BCAS3: variants seen among roughly 807,000 people sequenced by gnomAD.
BCAS3 encodes BCAS4/BCAS3 fusion.
BCAS3 carries 53 observed loss-of-function variants against 116.1 expected under a neutral mutation model. The ratio of observed to expected loss-of-function variants is 0.46; its 90% CI spans 0.37 to 0.57. BCAS3 has a LOEUF of 0.57. Among genes scored for constraint, BCAS3 ranks in the 20% least tolerant of loss-of-function variants. The pLI is 0.00. For missense variants in BCAS3, 917 were observed against 1,165.4 expected, an observed-to-expected ratio of 0.79 and a Z score of 3.10; for synonymous variants, 391 against 408.2, an observed-to-expected ratio of 0.96 and a Z score of 0.51.
chr17:61,234,844 C>T (rs553278949), intron 22 of BCAS3, among the ~76,000 whole-genome samples: 2 of 151,112 alleles, frequency 1.3e-5, no homozygotes, highest in South Asian at 4.2e-4. Context: ...CTTCACATTT[C>T]CTCACAAAGC....
Position 61,390,002 on chromosome 17 carries a change from C to G in BCAS3, c.2594-1975C>G, listed in dbSNP as rs1268530902. On this transcript the variant is annotated intron_variant, in intron 23 of 23. Transcript: ENST00000407086. This position sits in a 1 kb window ranked among gnomAD's most constrained non-coding sequence, Gnocchi z 6.8. ...AGCCTTCCCCATCCTGGTGGCCCTG[C>G]CTGCTCCTTCCTCGGGGGCTTTCTT... 2.6e-5 allele frequency: 4 copies of G among 152,368 alleles called. No individual in the cohort carries two copies. The highest frequency in any genetic ancestry group is 9.6e-5 in the African/African-American group (4 of 41,468). The allele number at this position is 152,368 out of a possible 1,614,324, so 9.4% of individuals were successfully genotyped here. A position where few individuals can be genotyped will look rare whatever the true frequency, so the allele number is the denominator to read the frequency against.
rs188883585 is a variant in BCAS3 at position 60,854,531 on chromosome 17, G to A, written c.477-14045G>A. Among the ~76,000 whole-genome samples, 39 of 152,218 alleles carry A rather than the reference G, an allele frequency of 2.6e-4. No individual in the cohort carries two copies. In the East Asian group the frequency reaches 6.0e-3, roughly 23 times the overall value. On this transcript the variant is annotated intron_variant, in intron 7 of 23. Transcript: ENST00000407086. Reference sequence around the variant, plus strand: ...AAAACAACCCCATCAAAAAGTGGGCGAAGGATATGAACAGACACTTCTCAA... The same window carrying A: ...AAAACAACCCCATCAAAAAGTGGGCAAAGGATATGAACAGACACTTCTCAA...
chr17:61,129,797 C>G (rs563711897), intron 22 of BCAS3, among the ~76,000 whole-genome samples: 1 of 152,226 alleles, frequency 6.6e-6, no homozygotes, highest in Non-Finnish European at 1.5e-5. Context: ...TTGGAACTTA[C>G]AATCTGAGTA....
At chr17:61,096,577 T>C (rs2073989335) in intron 22 of BCAS3, among the ~76,000 whole-genome samples, 1 of 152,140 alleles carries the variant, frequency 6.6e-6, no homozygotes, top group Non-Finnish European at 1.5e-5. Context: ...AATGAACTTG[T>C]TTCCAGCAAC....
intron 10 of BCAS3, among the ~76,000 whole-genome samples, chr17:60,898,894 C>T (rs1267170081): frequency 6.6e-6 from 1 of 152,046 alleles, no homozygotes; most frequent in Non-Finnish European, 1.5e-5. Context: ...TTGGAGCTTG[C>T]AGGTAGGTGC....
intron 6 of BCAS3, among the ~76,000 whole-genome samples, chr17:60,765,180 G>A (rs1313133986): frequency 6.6e-6 from 1 of 152,126 alleles, no homozygotes; most frequent in East Asian, 1.9e-4. Flanking sequence ...GGGGCATTTA[G>A]CCCATTTACA....
intron 22 of BCAS3, among the ~76,000 whole-genome samples, chr17:61,335,895 T>A (rs568390790): frequency 6.6e-6 from 1 of 152,372 alleles, no homozygotes; most frequent in East Asian, 1.9e-4. Context: ...AGTGGGCACC[T>A]GAGAGGGTAC....
At chr17:61,174,827 G>A (rs776296538) in intron 22 of BCAS3, among the ~76,000 whole-genome samples, 1 of 152,148 alleles carries the variant, frequency 6.6e-6, no homozygotes, top group East Asian at 1.9e-4. Context: ...AATCTTGTAG[G>A]GAATACACTC....
chr17:61,164,851 T>C (rs796190479), intron 22 of BCAS3, among the ~76,000 whole-genome samples: 40 of 152,350 alleles, frequency 2.6e-4, no homozygotes, highest in African/African-American at 9.6e-4. Context: ...TATGAGTTAG[T>C]ATCCACAAAT....
Position 60,683,846 on chromosome 17 carries a change from CAAAACAAACAAAAA to C in BCAS3, c.84-133_84-120del. ...AACCTTGTCTCAAAACAAAACAAAA[CAAAACAAACAAAAA>C]AACCCCAAAAAACAAACAACAACAA... On this transcript the variant is annotated intron_variant, in intron 2 of 23. Transcript: ENST00000407086. The C allele has an allele frequency of 3.9e-6, 3 of 770,166 alleles. No homozygotes were observed. In the South Asian group the frequency reaches 5.7e-5, roughly 15 times the overall value. The allele number at this position is 770,166 out of a possible 1,614,324, so 47.7% of individuals were successfully genotyped here.
chr17:61,207,238 A>G (rs893966546), intron 22 of BCAS3, among the ~76,000 whole-genome samples: 10 of 152,100 alleles, frequency 6.6e-5, no homozygotes, highest in Admixed American at 2.0e-4. Context: ...TCTCCAGCCT[A>G]TGGGTACAAG....
At chr17:60,751,542 C>CT (rs535708879) in intron 6 of BCAS3, among the ~76,000 whole-genome samples, 428 of 20,078 alleles carry the variant, frequency 0.021, 6 homozygotes, top group East Asian at 0.15. Context: ...TTTTCTTTTT[C>CT]TTTTTTTTTT....
chr17:60,824,535 G>A (rs997317573), intron 7 of BCAS3, among the ~76,000 whole-genome samples: 1 of 152,164 alleles, frequency 6.6e-6, no homozygotes, highest in Admixed American at 6.5e-5. Context: ...CCTGTTTTCA[G>A]CATTTCCCTG....
intron 14 of BCAS3, among the ~76,000 whole-genome samples, chr17:60,974,037 TC>T (rs554343788): frequency 1.8e-3 from 274 of 152,208 alleles, no homozygotes; most frequent in African/African-American, 6.0e-3. Flanking sequence ...TTCTTGGTCA[TC>T]CCCCCTCCTA....
rs1297429195 is a variant in BCAS3, at chr17:60,868,759, C to T, written c.584+76C>T. 5.2e-6 allele frequency: 4 copies of T among 763,456 alleles called. No homozygotes were observed. In the African/African-American group the frequency reaches 5.5e-5, roughly 11 times the overall value. 47.3% of individuals were successfully genotyped at this position (763,456 alleles called of 1,614,324 possible). ...TGGGCATGGAGAACTCTACCAGTTT[C>T]AATGACTAACTTAGATTTATTTTTA... is the stretch of plus-strand genomic sequence containing the variant. On this transcript the variant is annotated intron_variant, in intron 8 of 23. Transcript: ENST00000407086.
At chr17:60,795,915 C>T (rs539115586) in intron 6 of BCAS3, among the ~76,000 whole-genome samples, 5 of 152,270 alleles carry the variant, frequency 3.3e-5, no homozygotes, top group Admixed American at 1.3e-4. Flanking sequence ...CTCTCGAACT[C>T]CTGACCTCAA....
chr17:61,128,237 C>T lies in BCAS3; in HGVS notation c.2425+43673C>T. 1 of 985,384 alleles carries T rather than the reference C, an allele frequency of 1.0e-6. No individual in the cohort carries two copies. The highest frequency in any genetic ancestry group is 1.2e-6 in the Non-Finnish European group (1 of 829,926). 61.0% of individuals were successfully genotyped at this position (985,384 alleles called of 1,614,324 possible). On this transcript the variant is annotated intron_variant, in intron 22 of 23. Transcript: ENST00000407086. The surrounding 1 kb of genome is among the most constrained non-coding windows in gnomAD (Gnocchi z 4.1). ...TGAGTACATGAAGATGAAGCCCATGCAATGAGGACAGCCTAGGCCGTGTTA... is the reference window on the plus strand; with the variant it reads ...TGAGTACATGAAGATGAAGCCCATGTAATGAGGACAGCCTAGGCCGTGTTA...
At chr17:61,274,259 A>G (rs1328401119) in intron 22 of BCAS3, among the ~76,000 whole-genome samples, 1 of 141,522 alleles carries the variant, frequency 7.1e-6, no homozygotes, top group African/African-American at 2.6e-5. Context: ...GGTTGTGTTC[A>G]CACTTTCTTT....
rs8081553 is a variant in BCAS3, at chr17:61,286,816, T to C, written c.2426-81511T>C. Reference sequence around the variant, plus strand: ...TACACTACAGAGATCCTGGCCAGGGTGAGGAAAGACAGAGAATGCTTTCTA... The same window carrying C: ...TACACTACAGAGATCCTGGCCAGGGCGAGGAAAGACAGAGAATGCTTTCTA... On this transcript the variant is annotated intron_variant, in intron 22 of 23. Transcript: ENST00000407086. The surrounding 1 kb of genome is among the most constrained non-coding windows in gnomAD (Gnocchi z 4.8). 0.15 allele frequency among the ~76,000 whole-genome samples: 22,146 copies of C among 152,102 alleles called. 3,232 individuals are homozygous for C. The highest frequency in any genetic ancestry group is 0.38 in the African/African-American group (15,838 of 41,460).
Sources: gnomAD v4.1 joint callset for allele counts (sites outside exome capture counted in the v4.1 genomes callset) on GRCh38, gnomAD v4.1.1 for gene constraint, Gnocchi (gnomAD v3.1) non-coding constraint, MANE v1.5 for transcripts, NCBI Gene and HGNC (gene_info 2026-07-23, HGNC 2026-07-21) for gene names.